WNK1: variants seen among roughly 807,000 people sequenced by gnomAD.
WNK1 encodes WNK lysine deficient protein kinase 1.
A neutral mutation model predicts 222.8 loss-of-function variants in WNK1; 38 were observed. That is an observed-to-expected ratio of 0.17 (90% confidence interval 0.13 to 0.22). The LOEUF is 0.22. Among genes scored for constraint, WNK1 ranks in the 10% least tolerant of loss-of-function variants. The pLI, the probability that WNK1 is intolerant of heterozygous loss-of-function variation, is 1.00. For synonymous variants in WNK1, 1,090 were observed against 1,092.9 expected, an observed-to-expected ratio of 1.00 and a Z score of 0.05; for missense variants, 2,348 against 2,918.4, an observed-to-expected ratio of 0.80 and a Z score of 4.50.
intron 1 of WNK1, among the ~76,000 whole-genome samples, chr12:813,084 A>T (rs1947049614): frequency 6.6e-6 from 1 of 152,180 alleles, no homozygotes; most frequent in Admixed American, 6.5e-5. Context: ...AAATTAAAAA[A>T]TTAGCCGGGC....
chr12:879,860 G>A lies in WNK1; in HGVS notation c.2661G>A (p.Gly887=). 1.2e-6 allele frequency: 2 copies of A among 1,614,038 alleles called. No homozygotes were observed. The highest frequency in any genetic ancestry group is 1.3e-5 in the African/African-American group (1 of 74,978). ...ASSATTAAIP[G]VSTVVPSQLP... The stretch of plus-strand genomic sequence containing the variant: ...CTGCTACAACAGCTGCGATCCCGGG[G>A]GTATCAACTGTGGTTCCTAGTCAGC... The change falls in exon 11 of 28, where the codon GGG becomes GGA. Residue 887 remains glycine, a synonymous_variant. Transcript: ENST00000315939.
intron 8 of WNK1, 93 bp downstream of exon 8, chr12:862,363 TGA>T: frequency 7.4e-7 from 1 of 1,344,780 alleles, no homozygotes; most frequent in South Asian, 1.2e-5. Context: ...AGTAACAGTA[TGA>T]GTCTGAAGTA....
intron 2 of WNK1, among the ~76,000 whole-genome samples, chr12:817,481 T>A (rs1263928628): frequency 1.3e-5 from 2 of 152,188 alleles, no homozygotes; most frequent in Non-Finnish European, 2.9e-5. Flanking sequence ...ACTAGGACCA[T>A]TGGCAGCATT....
In WNK1 at chr12:884,299, T is replaced by C. The variant is rs1953455144; in HGVS notation, c.3844+56T>C. The C allele has an allele frequency of 2.5e-6, 4 of 1,611,350 alleles. No individual in the cohort carries two copies. In the East Asian group the frequency reaches 8.9e-5, roughly 36 times the overall value. The stretch of plus-strand genomic sequence containing the variant: ...TAAATTCTACAGTGCCTCTGCTATG[T>C]TGAAAGCTTAATCATAAAGCAGTAA... On this transcript the variant is annotated intron_variant, in intron 18 of 27. Transcript: ENST00000315939. This position sits in a 1 kb window ranked among gnomAD's most constrained non-coding sequence, Gnocchi z 5.6.
At chr12:789,603 A>C (rs1190511634) in intron 1 of WNK1, among the ~76,000 whole-genome samples, 1 of 145,314 alleles carries the variant, frequency 6.9e-6, no homozygotes, top group African/African-American at 2.6e-5. Context: ...GTGATTCAAT[A>C]CTCACTGCAG....
Position 868,705 on chromosome 12 carries a change from G to T in WNK1, c.2140-2560G>T, listed in dbSNP as rs769090296. 1.9e-6 allele frequency: 3 copies of T among 1,613,818 alleles called. No homozygotes were observed. The highest frequency in any genetic ancestry group is 2.5e-6 in the Non-Finnish European group (3 of 1,179,886). On this transcript the variant is annotated intron_variant, in intron 8 of 27. Transcript: ENST00000315939. Reference sequence around the variant, plus strand: ...TACCTCAGCGTGTTTACCGAAATCGGCAGGTTGCAGTGGACTTGAATCAAG... The same window carrying T: ...TACCTCAGCGTGTTTACCGAAATCGTCAGGTTGCAGTGGACTTGAATCAAG...
At chr12:908,423 A>G in intron 27 of WNK1, 52 bp from the exon 28 acceptor site, 1 of 1,584,004 alleles carries the variant, frequency 6.3e-7, no homozygotes, top group Admixed American at 1.7e-5. Flanking sequence ...AGCGCCACAC[A>G]TTTTATACCA....
In WNK1 at chr12:865,114, G is replaced by A. The variant is rs566423174; in HGVS notation, c.2139+2844G>A. ...GTGTGTTTGTTTTGTGTTGAGCCTC[G>A]TCGTGGCCGTAGCATGTCGGTTTGT... On this transcript the variant is annotated intron_variant, in intron 8 of 27. Transcript: ENST00000315939. 1.6e-5 allele frequency: 24 copies of A among 1,515,598 alleles called. No homozygotes were observed. The highest frequency in any genetic ancestry group is 4.1e-5 in the African/African-American group (3 of 72,300). 93.9% of individuals were successfully genotyped at this position (1,515,598 alleles called of 1,614,324 possible). A position where few individuals can be genotyped will look rare whatever the true frequency, so the allele number is the denominator to read the frequency against.
At chr12:806,757 A>G (rs1415431127) in intron 1 of WNK1, among the ~76,000 whole-genome samples, 2 of 152,240 alleles carry the variant, frequency 1.3e-5, no homozygotes, top group East Asian at 1.9e-4. Flanking sequence ...TTGGACATAT[A>G]TTGAGTCTTT....
Position 861,243 on chromosome 12 carries a change from T to C in WNK1, c.1851T>C (p.Ser617=). The change falls in exon 7 of 28, where the codon TCT becomes TCC. Residue 617 remains serine (S), a synonymous_variant. Transcript: ENST00000315939. ...CTAGCACCGGCATACCTACTGCTTCTACCACTTCAGCTTCAGTTTCTACAC... is the reference window on the plus strand; with the variant it reads ...CTAGCACCGGCATACCTACTGCTTCCACCACTTCAGCTTCAGTTTCTACAC... The part of the protein sequence containing the change: ...PSASTGIPTA[S]TTSASVSTQV... 2 of 1,614,136 alleles carry C rather than the reference T, an allele frequency of 1.2e-6. No individual in the cohort carries two copies. The highest frequency in any genetic ancestry group is 1.1e-5 in the South Asian group (1 of 91,078).
At chr12:831,264 G>C (rs948102275) in intron 4 of WNK1, among the ~76,000 whole-genome samples, 1 of 152,072 alleles carries the variant, frequency 6.6e-6, no homozygotes, top group Non-Finnish European at 1.5e-5. Context: ...AGGGCCGGGC[G>C]TGGTGGCTTA....
intron 16 of WNK1, 40 bp from the exon 17 acceptor site, chr12:883,734 T>C (rs1953394165): frequency 6.2e-7 from 1 of 1,612,644 alleles, no homozygotes; most frequent in African/African-American, 1.3e-5. Flanking sequence ...TCATTGAGAT[T>C]GCATTTGAGA....
intron 7 of WNK1, among the ~76,000 whole-genome samples, chr12:861,572 C>T (rs1382546585): frequency 6.6e-6 from 1 of 152,146 alleles, no homozygotes; most frequent in Non-Finnish European, 1.5e-5. Context: ...ATTTTATAAG[C>T]TTCAACATCT....
rs537865565 is a variant in WNK1, at chr12:765,512, C to G, written c.759+11188C>G. Among the ~76,000 whole-genome samples, 256 of 132,246 alleles carry G rather than the reference C, an allele frequency of 1.9e-3. 9 individuals are homozygous for G. The highest frequency in any genetic ancestry group is 6.3e-3 in the African/African-American group (249 of 39,694). The allele number at this position is 132,246 out of a possible 152,430, so 86.8% of individuals were successfully genotyped here. On this transcript the variant is annotated intron_variant, in intron 1 of 27. Coordinates refer to ENST00000315939, the MANE Select transcript of WNK1 (RefSeq NM_018979.4). ...CAGTGAGGCTTGATCATGCCACTTG[C>G]ACTTCAGCCTAGGTGACAGAGCTAT... is the stretch of plus-strand genomic sequence containing the variant.
rs779441437 is a variant in WNK1 at position 754,070 on chromosome 12, C to T, written c.505C>T (p.Pro169Ser). The T allele has an allele frequency of 3.7e-6, 6 of 1,606,450 alleles. No homozygotes were observed. In the South Asian group the frequency reaches 4.4e-5, roughly 12 times the overall value. The change falls in exon 1 of 28, where the codon CCT becomes TCT. Residue 169 changes from proline (P) to serine (S), a missense_variant. Transcript: ENST00000315939. Reference sequence around the variant, plus strand: ...CAGCAAAGACCGCCCAGTGTCCCAGCCTAGCCTTGTGGGGAGCAAAGAGGA... The same window carrying T: ...CAGCAAAGACCGCCCAGTGTCCCAGTCTAGCCTTGTGGGGAGCAAAGAGGA... ...STSKDRPVSQ[P>S]SLVGSKEEPP...
At chr12:825,136 G>A (rs951954090) in intron 2 of WNK1, among the ~76,000 whole-genome samples, 2 of 152,272 alleles carry the variant, frequency 1.3e-5, no homozygotes, top group Admixed American at 6.5e-5. Context: ...AAACTCTCAA[G>A]ATAGAGAACA....
chr12:878,466 T>C, intron 10 of WNK1, 105 bp downstream of exon 10: 1 of 1,328,620 alleles, frequency 7.5e-7, no homozygotes, highest in Non-Finnish European at 1.0e-6. Context: ...GACTTCTACC[T>C]TTTCTTCTAA....
At chr12:787,691 G>C (rs775625179) in intron 1 of WNK1, among the ~76,000 whole-genome samples, 4 of 151,950 alleles carry the variant, frequency 2.6e-5, no homozygotes, top group African/African-American at 9.7e-5. Flanking sequence ...ATGTATGTAG[G>C]CTGCTCTGTT....
chr12:764,062 TG>T (rs2153931974), intron 1 of WNK1, among the ~76,000 whole-genome samples: 1 of 147,186 alleles, frequency 6.8e-6, no homozygotes, highest in East Asian at 2.0e-4. Context: ...AGATAAAAGC[TG>T]ATGATTCCCA....
Sources: gnomAD v4.1 joint callset for allele counts (sites outside exome capture counted in the v4.1 genomes callset) on GRCh38, gnomAD v4.1.1 for gene constraint, Gnocchi (gnomAD v3.1) non-coding constraint, MANE v1.5 for transcripts, NCBI Gene and HGNC (gene_info 2026-07-23, HGNC 2026-07-21) for gene names.